PALM2AKAP2: variants seen among roughly 807,000 people sequenced by gnomAD.
The protein encoded by PALM2AKAP2 is PALM2-AKAP2 fusion protein.
A neutral mutation model predicts 71.5 loss-of-function variants in PALM2AKAP2; 37 were observed. The ratio of observed to expected loss-of-function variants is 0.52; its 90% CI spans 0.40 to 0.68. PALM2AKAP2 has a LOEUF of 0.68. PALM2AKAP2 is among the 30% of genes least tolerant of loss of function. The pLI is 0.00. For synonymous variants in PALM2AKAP2, 468 were observed against 478.8 expected, an observed-to-expected ratio of 0.98 and a Z score of 0.29; for missense variants, 1,224 against 1,191.8, an observed-to-expected ratio of 1.03 and a Z score of -0.40.
intron 1 of PALM2AKAP2, among the ~76,000 whole-genome samples, chr9:109,691,174 TACACACAC>T (rs56966509): frequency 4.7e-5 from 7 of 147,566 alleles, no homozygotes; most frequent in Admixed American, 1.4e-4. Flanking sequence ...CTTTGAATTT[TACACACAC>T]ACACACACAC....
At chr9:109,810,120 G>A (rs961386480) in intron 1 of PALM2AKAP2, among the ~76,000 whole-genome samples, 10 of 152,166 alleles carry the variant, frequency 6.6e-5, no homozygotes, top group African/African-American at 2.2e-4. Flanking sequence ...TGGTGGTGGT[G>A]GGGAGGTCAT....
intron 1 of PALM2AKAP2, among the ~76,000 whole-genome samples, chr9:109,675,568 T>C (rs183378137): frequency 1.4e-4 from 22 of 152,282 alleles, no homozygotes; most frequent in Admixed American, 1.2e-3. Context: ...TACTACATAT[T>C]AACAAAATGT....
chr9:109,691,859 TATATATATACAC>T lies in PALM2AKAP2; in HGVS notation c.5+50995_5+51006del, dbSNP rs1331107590. On this transcript the variant is annotated intron_variant, in intron 1 of 6. Coordinates refer to the PALM2AKAP2 transcript ENST00000374531. Reference sequence around the variant, plus strand: ...ATATATATATATATATATATATATATATATATATACACACACACACACATATATATATATATA... The same window carrying T: ...ATATATATATATATATATATATATATACACACACACATATATATATATATA... Among the ~76,000 whole-genome samples the T allele has an allele frequency of 4.6e-4, 21 of 45,640 alleles. No individual in the cohort carries two copies. In the East Asian group the frequency reaches 0.019, roughly 40 times the overall value. The allele number at this position is 45,640 out of a possible 152,430, so 29.9% of individuals were successfully genotyped here. A position where few individuals can be genotyped will look rare whatever the true frequency, so the allele number is the denominator to read the frequency against.
exon 2 of PALM2AKAP2, chr9:110,137,079 A>G (rs887281030): frequency 1.2e-6 from 2 of 1,612,416 alleles, no homozygotes; most frequent in East Asian, 4.5e-5. Context: ...TTGCTGCTGC[A>G]GAAGCAGTTA....
chr9:109,995,015 G>A (rs1832548187), intron 6 of PALM2AKAP2, among the ~76,000 whole-genome samples: 1 of 152,116 alleles, frequency 6.6e-6, no homozygotes, highest in Admixed American at 6.5e-5. Flanking sequence ...TATAACACTG[G>A]GTGGATGATT....
At chr9:109,900,950 A>G (rs1830319838) in intron 3 of PALM2AKAP2, among the ~76,000 whole-genome samples, 1 of 152,244 alleles carries the variant, frequency 6.6e-6, no homozygotes, top group Non-Finnish European at 1.5e-5. Flanking sequence ...AATCAAATTC[A>G]GTATGTCTCA....
chr9:109,875,835 C>T (rs1055989926), intron 2 of PALM2AKAP2, among the ~76,000 whole-genome samples: 6 of 152,216 alleles, frequency 3.9e-5, no homozygotes, highest in African/African-American at 1.4e-4. Flanking sequence ...CTGGCCAGGC[C>T]AGTAGAGCCA....
chr9:109,823,909 G>C (rs1038493291), intron 1 of PALM2AKAP2, among the ~76,000 whole-genome samples: 16 of 152,110 alleles, frequency 1.1e-4, no homozygotes, highest in African/African-American at 3.9e-4. Flanking sequence ...TATTTTTTTA[G>C]ACAGGATCTC....
intron 2 of PALM2AKAP2, among the ~76,000 whole-genome samples, chr9:109,878,621 G>T (rs1445951799): frequency 6.6e-6 from 1 of 152,166 alleles, no homozygotes; most frequent in African/African-American, 2.4e-5. Flanking sequence ...ATTCCAGGTT[G>T]ATTGAACTTG....
intron 1 of PALM2AKAP2, among the ~76,000 whole-genome samples, chr9:109,742,251 TCACACACACACACACACACACACACACA>T (rs72323941): frequency 2.1e-5 from 3 of 145,410 alleles, no homozygotes; most frequent in Non-Finnish European, 3.0e-5. Flanking sequence ...TGTGATGTAT[TCACACACACACACACACACACACACACA>T]CACACACACA....
At chr9:109,838,564 C>T (rs887760352) in intron 1 of PALM2AKAP2, among the ~76,000 whole-genome samples, 25 of 152,096 alleles carry the variant, frequency 1.6e-4, no homozygotes, top group African/African-American at 5.8e-4. Flanking sequence ...ATAAAAAACC[C>T]TTCAAAAAAT....
intron 1 of PALM2AKAP2, among the ~76,000 whole-genome samples, chr9:109,816,081 A>T (rs752596278): frequency 6.6e-6 from 1 of 152,166 alleles, no homozygotes; most frequent in Non-Finnish European, 1.5e-5. Flanking sequence ...GAAGCTAGAG[A>T]GTTGACAAGG....
Position 109,931,227 on chromosome 9 carries a change from C to T in PALM2AKAP2, c.395-700C>T, listed in dbSNP as rs146348735. Among the ~76,000 whole-genome samples the T allele has an allele frequency of 3.7e-4, 57 of 152,320 alleles. 2 individuals are homozygous for T. In the East Asian group the frequency reaches 7.1e-3, roughly 19 times the overall value. On this transcript the variant is annotated intron_variant, in intron 5 of 9. Transcript: ENST00000302798. The stretch of plus-strand genomic sequence containing the variant: ...CCCATGTCTCACCTCCCTAAAGAGG[C>T]TTGTCGAGGTATTTGCCCAAGCAAA...
At chr9:110,145,891 CTTTTTTTTTTTTT>C (rs61137720) in intron 2 of PALM2AKAP2, among the ~76,000 whole-genome samples, 25 of 64,498 alleles carry the variant, frequency 3.9e-4, no homozygotes, top group Middle Eastern at 0.013. Context: ...CCTCACTCTT[CTTTTTTTTTTTTT>C]TTTTTTTTTT....
intron 1 of PALM2AKAP2, among the ~76,000 whole-genome samples, chr9:109,802,299 G>A (rs1324027800): frequency 2.0e-5 from 3 of 152,062 alleles, no homozygotes; most frequent in Non-Finnish European, 4.4e-5. Context: ...AGTCACATAG[G>A]TTCCCCACTT....
chr9:110,076,493 ATATATATATATATATATAGG>A (rs1002825617), intron 1 of PALM2AKAP2, among the ~76,000 whole-genome samples: 14 of 36,688 alleles, frequency 3.8e-4, no homozygotes, highest in African/African-American at 1.5e-3. Flanking sequence ...TATATTCTAC[ATATATATATATATATATAGG>A]TATATATACC....
chr9:109,875,293 G>A (rs1283534315), intron 2 of PALM2AKAP2, among the ~76,000 whole-genome samples: 2 of 152,194 alleles, frequency 1.3e-5, no homozygotes, highest in Non-Finnish European at 2.9e-5. Context: ...CACTTTAAAT[G>A]TCCTCCCCTG....
intron 1 of PALM2AKAP2, among the ~76,000 whole-genome samples, chr9:109,730,491 G>T (rs1828539973): frequency 6.6e-6 from 1 of 152,184 alleles, no homozygotes; most frequent in Non-Finnish European, 1.5e-5. Context: ...GCATCACTGG[G>T]ATTCAAGGAT....
chr9:109,801,329 AG>A (rs1383818457), intron 1 of PALM2AKAP2, among the ~76,000 whole-genome samples: 1 of 152,196 alleles, frequency 6.6e-6, no homozygotes, highest in Non-Finnish European at 1.5e-5. Flanking sequence ...AAATTGGTCC[AG>A]GAGGAAGTCT....
Sources: allele counts gnomAD v4.1 joint callset (sites outside exome capture counted in the v4.1 genomes callset), GRCh38; gene constraint gnomAD v4.1.1; transcripts MANE v1.5; gene names NCBI Gene and HGNC (gene_info 2026-07-23, HGNC 2026-07-21).